Variants in CDH12 observed in about 807,000 individuals in gnomAD.
CDH12 encodes the protein cadherin 12, also known as cadherin-12.
A neutral mutation model predicts 74.1 loss-of-function variants in CDH12; 41 were observed. The observed-to-expected ratio is 0.55, with a 90% CI of 0.43 to 0.72. The LOEUF (loss-of-function observed/expected upper bound fraction) is 0.72. Among genes scored for constraint, CDH12 ranks in the 30% least tolerant of loss-of-function variants. The pLI, the probability that CDH12 is intolerant of heterozygous loss-of-function variation, is 0.00. For synonymous variants in CDH12, 399 were observed against 355.0 expected, an observed-to-expected ratio of 1.12 and a Z score of -1.39; for missense variants, 945 against 977.2, an observed-to-expected ratio of 0.97 and a Z score of 0.44.
At chr5:21,842,077 G>C in intron 8 of CDH12, 84 bp downstream of exon 8, 1 of 1,000,622 alleles carries the variant, frequency 1.0e-6, no homozygotes, top group Non-Finnish European at 1.5e-6. Context: ...TCTGGAAAAT[G>C]ATTGTCATTC....
chr5:22,513,467 G>A (rs1175421139), intron 1 of CDH12, among the ~76,000 whole-genome samples: 4 of 152,056 alleles, frequency 2.6e-5, no homozygotes, highest in South Asian at 2.1e-4. Context: ...AACATGAAAT[G>A]AGCATCATAC....
intron 1 of CDH12, among the ~76,000 whole-genome samples, chr5:22,579,193 G>A (rs530260794): frequency 4.6e-5 from 7 of 152,154 alleles, no homozygotes; most frequent in African/African-American, 1.2e-4. Flanking sequence ...TTTAAAAGAC[G>A]GAGTTTATGA....
intron 3 of CDH12, among the ~76,000 whole-genome samples, chr5:22,275,146 G>A (rs1044218744): frequency 4.1e-4 from 62 of 152,114 alleles, no homozygotes; most frequent in Admixed American, 6.5e-4. Context: ...GGGCAAGGGA[G>A]GGAGAGCATT....
At chr5:21,907,512 G>A (rs1271005021) in intron 6 of CDH12, among the ~76,000 whole-genome samples, 1 of 152,178 alleles carries the variant, frequency 6.6e-6, no homozygotes, top group Non-Finnish European at 1.5e-5. Flanking sequence ...AAGCCCGATG[G>A]AAACAGTTTT....
At position 22,747,355 on chromosome 5, in the gene CDH12, G is replaced by C. The variant is rs915078651; in HGVS notation, c.-523+105703C>G. 2.6e-5 allele frequency among the ~76,000 whole-genome samples: 4 copies of C among 151,670 alleles called. No individual in the cohort carries two copies. The East Asian group carries it at 7.7e-4, about 29-fold the overall frequency. On this transcript the variant is annotated intron_variant, in intron 1 of 14. Transcript: ENST00000382254. ...TAAACAGTAAAAGACCAGGTGTAGT[G>C]GCTCACACCTGTAATCTGAGCAGTT...
intron 1 of CDH12, among the ~76,000 whole-genome samples, chr5:22,664,717 T>G (rs990695846): frequency 2.0e-4 from 31 of 152,342 alleles, no homozygotes; most frequent in Middle Eastern, 3.4e-3. Flanking sequence ...AAGGTTGTTA[T>G]ACCCATTCTA....
At chr5:22,702,853 T>C (rs566305667) in intron 1 of CDH12, among the ~76,000 whole-genome samples, 1 of 152,200 alleles carries the variant, frequency 6.6e-6, no homozygotes, top group East Asian at 1.9e-4. Context: ...ATGCTCCAAA[T>C]TGCATCATCT....
chr5:22,130,036 G>A lies in CDH12; in HGVS notation c.-186-51174C>T, dbSNP rs1235247385. 3.3e-5 allele frequency among the ~76,000 whole-genome samples: 5 copies of A among 151,754 alleles called. No individual in the cohort carries two copies. The South Asian group carries it at 1.0e-3, about 32-fold the overall frequency. Reference sequence around the variant, plus strand: ...AGGTGTTTTGCATGAAGAAAGATGAGAAATTTAAATTTGAGATATGATGAG... The same window carrying A: ...AGGTGTTTTGCATGAAGAAAGATGAAAAATTTAAATTTGAGATATGATGAG... On this transcript the variant is annotated intron_variant, in intron 4 of 14. Coordinates refer to ENST00000382254, the MANE Select transcript of CDH12 (RefSeq NM_004061.5).
intron 1 of CDH12, among the ~76,000 whole-genome samples, chr5:22,790,616 T>C (rs1747859741): frequency 6.6e-6 from 1 of 151,536 alleles, no homozygotes. Flanking sequence ...TGAGAAAATA[T>C]TACAGATATA....
intron 2 of CDH12, among the ~76,000 whole-genome samples, chr5:22,504,281 G>C (rs1372951340): frequency 6.6e-6 from 1 of 151,814 alleles, no homozygotes; most frequent in Non-Finnish European, 1.5e-5. Context: ...CCTCAAATCT[G>C]ATAGCTGAAA....
chr5:22,611,109 T>C (rs1737373998), intron 1 of CDH12, among the ~76,000 whole-genome samples: 1 of 152,148 alleles, frequency 6.6e-6, no homozygotes, highest in Non-Finnish European at 1.5e-5. Context: ...GCTCATGATG[T>C]GAAAACCTAT....
At chr5:22,518,831 C>A (rs1736919456) in intron 1 of CDH12, among the ~76,000 whole-genome samples, 1 of 152,122 alleles carries the variant, frequency 6.6e-6, no homozygotes, top group East Asian at 1.9e-4. Context: ...GTGTGTATCA[C>A]TACATTGATT....
intron 1 of CDH12, among the ~76,000 whole-genome samples, chr5:22,523,490 C>G (rs1737136580): frequency 1.3e-5 from 2 of 152,152 alleles, no homozygotes; most frequent in South Asian, 4.1e-4. Context: ...GTATCTTGAA[C>G]TATTAATTTT....
chr5:22,301,629 T>G (rs796895136), intron 3 of CDH12, among the ~76,000 whole-genome samples: 4 of 152,194 alleles, frequency 2.6e-5, no homozygotes, highest in African/African-American at 9.6e-5. Context: ...CATCCCCTTT[T>G]TATTTTTTAA....
chr5:21,963,841 C>A (rs1007340106), intron 6 of CDH12, among the ~76,000 whole-genome samples: 2 of 152,080 alleles, frequency 1.3e-5, no homozygotes, highest in African/African-American at 2.4e-5. Context: ...TAAGTCATTA[C>A]TTTTCACGTC....
At chr5:22,583,807 A>T (rs934998190) in intron 1 of CDH12, among the ~76,000 whole-genome samples, 10 of 152,182 alleles carry the variant, frequency 6.6e-5, no homozygotes, top group African/African-American at 2.4e-4. Context: ...ATCAATAAAG[A>T]TAATATAGTG....
chr5:22,270,888 C>T (rs1035186884), intron 3 of CDH12, among the ~76,000 whole-genome samples: 1 of 151,914 alleles, frequency 6.6e-6, no homozygotes, highest in Non-Finnish European at 1.5e-5. Flanking sequence ...GTTGGCCAGG[C>T]TAGTCTTGAA....
intron 1 of CDH12, among the ~76,000 whole-genome samples, chr5:22,633,709 C>A (rs1738693890): frequency 6.6e-6 from 1 of 152,132 alleles, no homozygotes; most frequent in Non-Finnish European, 1.5e-5. Context: ...GCCTTCAAAT[C>A]TAGGCTAGAA....
intron 3 of CDH12, among the ~76,000 whole-genome samples, chr5:22,260,541 C>T (rs77365414): frequency 0.028 from 4,305 of 152,070 alleles, 87 homozygotes; most frequent in Middle Eastern, 0.11. Flanking sequence ...AGAAGAGATA[C>T]ATGGAATAAA....
Sources: allele counts gnomAD v4.1 joint callset (sites outside exome capture counted in the v4.1 genomes callset), GRCh38; gene constraint gnomAD v4.1.1; transcripts MANE v1.5; gene names NCBI Gene and HGNC (gene_info 2026-07-23, HGNC 2026-07-21).